Variants in KIF2A observed in about 807,000 individuals in gnomAD.
KIF2A encodes the protein kinesin-like protein KIF2A.
KIF2A carries 22 observed loss-of-function variants against 100.2 expected under a neutral mutation model. That is an observed-to-expected ratio of 0.22 (90% confidence interval 0.16 to 0.31). The LOEUF is 0.31. KIF2A is among the 10% of genes least tolerant of loss of function. The pLI, the probability that KIF2A is intolerant of heterozygous loss-of-function variation, is 1.00. For synonymous variants in KIF2A, 268 were observed against 285.9 expected (o/e 0.94, Z 0.63); for missense variants, 495 against 898.7 (o/e 0.55, Z 5.74).
At chr5:62,328,116 CA>C (rs1274337746) in intron 1 of KIF2A, among the ~76,000 whole-genome samples, 1 of 152,196 alleles carries the variant, frequency 6.6e-6, no homozygotes, top group Admixed American at 6.5e-5. Flanking sequence ...GCTTTAACAA[CA>C]CCACTGTAAA....
chr5:62,314,365 G>A (rs527513775), intron 1 of KIF2A, among the ~76,000 whole-genome samples: 1 of 152,148 alleles, frequency 6.6e-6, no homozygotes, highest in African/African-American at 2.4e-5. Context: ...TCAGGAGGAT[G>A]AAGTGGGAGG....
intron 16 of KIF2A, among the ~76,000 whole-genome samples, chr5:62,369,516 T>C (rs1459533009): frequency 1.3e-5 from 2 of 152,188 alleles, no homozygotes; most frequent in African/African-American, 2.4e-5. Flanking sequence ...ACTTGGAGAT[T>C]ATGGAAATTA....
intron 9 of KIF2A, among the ~76,000 whole-genome samples, chr5:62,359,043 G>A (rs547139819): frequency 6.6e-5 from 10 of 152,218 alleles, no homozygotes; most frequent in Admixed American, 1.3e-4. Flanking sequence ...CACTTAAGGC[G>A]AAAAAGTTCC....
chr5:62,354,333 T>C (rs1025185105), intron 6 of KIF2A, among the ~76,000 whole-genome samples: 1 of 152,158 alleles, frequency 6.6e-6, no homozygotes, highest in Non-Finnish European at 1.5e-5. Flanking sequence ...TCAGTTGACA[T>C]AGGTGGTATT....
intron 1 of KIF2A, among the ~76,000 whole-genome samples, chr5:62,344,500 G>C (rs773867888): frequency 6.6e-6 from 1 of 152,142 alleles, no homozygotes; most frequent in Non-Finnish European, 1.5e-5. Flanking sequence ...AAAGTGTTAG[G>C]ATTGATAATG....
At chr5:62,325,090 C>G (rs188160185) in intron 1 of KIF2A, among the ~76,000 whole-genome samples, 61 of 152,198 alleles carry the variant, frequency 4.0e-4, no homozygotes, top group Non-Finnish European at 6.9e-4. Flanking sequence ...ACTTTCTTTT[C>G]TTTCCTTTCC....
At chr5:62,310,720 C>T (rs113050429) in intron 1 of KIF2A, among the ~76,000 whole-genome samples, 7,422 of 152,214 alleles carry the variant, frequency 0.049, 583 homozygotes, top group African/African-American at 0.17. Context: ...TTATTCTCTG[C>T]CACAGGAGAT....
At chr5:62,383,397 C>T (rs1741875199) in intron 20 of KIF2A, among the ~76,000 whole-genome samples, 1 of 151,806 alleles carries the variant, frequency 6.6e-6, no homozygotes, top group African/African-American at 2.4e-5. Context: ...CGCCCGCCAC[C>T]ACGCCTGGCT....
At chr5:62,343,720 G>A (rs982305639) in intron 1 of KIF2A, among the ~76,000 whole-genome samples, 1 of 152,184 alleles carries the variant, frequency 6.6e-6, no homozygotes, top group Non-Finnish European at 1.5e-5. Context: ...AGTAATCTAA[G>A]TACAAGGCAT....
At chr5:62,345,030 G>C (rs960736901) in intron 1 of KIF2A, among the ~76,000 whole-genome samples, 1 of 152,178 alleles carries the variant, frequency 6.6e-6, no homozygotes, top group African/African-American at 2.4e-5. Context: ...CAGATCGCCT[G>C]AGGCCAGGAG....
At chr5:62,312,171 C>G (rs1230555763) in intron 1 of KIF2A, among the ~76,000 whole-genome samples, 1 of 152,176 alleles carries the variant, frequency 6.6e-6, no homozygotes, top group Non-Finnish European at 1.5e-5. Flanking sequence ...TCCAAAAGTA[C>G]CACAGAAAGC....
chr5:62,381,599 C>T (rs960538677), intron 20 of KIF2A, among the ~76,000 whole-genome samples: 1 of 152,184 alleles, frequency 6.6e-6, no homozygotes, highest in Non-Finnish European at 1.5e-5. Flanking sequence ...GGGTCTCATT[C>T]TGTTGCCCAG....
At chr5:62,368,768 C>A (rs1366069062) in intron 16 of KIF2A, among the ~76,000 whole-genome samples, 2 of 150,156 alleles carry the variant, frequency 1.3e-5, no homozygotes, top group African/African-American at 2.5e-5. Flanking sequence ...CAGAGCAAGA[C>A]CTTGTCTTAA....
chr5:62,364,047 T>C (rs1740939622), intron 14 of KIF2A, 148 bp downstream of exon 14: 2 of 664,262 alleles, frequency 3.0e-6, no homozygotes, highest in East Asian at 2.7e-5. Flanking sequence ...GATTTTATTA[T>C]ACCCAGATTT....
At chr5:62,313,588 C>T (rs1011599504) in intron 1 of KIF2A, among the ~76,000 whole-genome samples, 33 of 152,052 alleles carry the variant, frequency 2.2e-4, no homozygotes, top group African/African-American at 7.5e-4. Flanking sequence ...CTCCTGAGCT[C>T]GTGGTCCACC....
chr5:62,372,881 CCT>C (rs1741382862), intron 17 of KIF2A, among the ~76,000 whole-genome samples: 1 of 151,950 alleles, frequency 6.6e-6, no homozygotes, highest in Non-Finnish European at 1.5e-5. Context: ...GAAGAGATTG[CCT>C]TTATGCTGTA....
chr5:62,315,249 CAAAAAAA>C (rs765995590), intron 1 of KIF2A, among the ~76,000 whole-genome samples: 7 of 66,538 alleles, frequency 1.1e-4, no homozygotes, highest in East Asian at 1.0e-3. Flanking sequence ...AAAAACAGAC[CAAAAAAA>C]AAAAAAAAAA....
intron 15 of KIF2A, among the ~76,000 whole-genome samples, 185 bp from the exon 16 acceptor site, chr5:62,366,229 A>G (rs979009809): frequency 1.3e-5 from 2 of 152,056 alleles, no homozygotes; most frequent in African/African-American, 4.8e-5. Flanking sequence ...CAGAGTTTGT[A>G]TTTTAACTAG....
At chr5:62,361,586 A>G in intron 11 of KIF2A, 57 bp downstream of exon 11, 1 of 965,854 alleles carries the variant, frequency 1.0e-6, no homozygotes, top group Non-Finnish European at 1.6e-6. Flanking sequence ...TATTCAGGTA[A>G]CTTTGAAATA....
Sources: allele counts gnomAD v4.1 joint callset (sites outside exome capture counted in the v4.1 genomes callset), GRCh38; gene constraint gnomAD v4.1.1; transcripts MANE v1.5; gene names NCBI Gene and HGNC (gene_info 2026-07-23, HGNC 2026-07-21).